DLGAP2: variants seen among roughly 807,000 people sequenced by gnomAD.
DLGAP2 encodes DLG associated protein 2.
DLGAP2 carries 26 observed loss-of-function variants against 100.3 expected under a neutral mutation model. The observed-to-expected ratio is 0.26, with a 90% CI of 0.19 to 0.36. DLGAP2 has a LOEUF of 0.36. Among genes scored for constraint, DLGAP2 ranks in the 10% least tolerant of loss-of-function variants. DLGAP2 has a pLI of 1.00. For missense variants in DLGAP2, 1,858 were observed against 1,453.2 expected (o/e 1.28, Z -4.53); for synonymous variants, 886 against 630.1 (o/e 1.41, Z -6.08).
chr8:845,845 A>G (rs1797062108), intron 1 of DLGAP2, among the ~76,000 whole-genome samples: 1 of 152,216 alleles, frequency 6.6e-6, no homozygotes, highest in South Asian at 2.1e-4. Context: ...ATATGGTGTG[A>G]GGAAGGGATC....
intron 2 of DLGAP2, among the ~76,000 whole-genome samples, chr8:974,238 A>T (rs912299516): frequency 3.9e-5 from 6 of 152,250 alleles, no homozygotes; most frequent in Non-Finnish European, 7.3e-5. Flanking sequence ...TAGAAAATCA[A>T]AGATGAAAAT....
At chr8:961,707 T>G (rs960186503) in intron 2 of DLGAP2, among the ~76,000 whole-genome samples, 2 of 152,236 alleles carry the variant, frequency 1.3e-5, no homozygotes, top group African/African-American at 4.8e-5. Context: ...AATTAAAACA[T>G]AACTATGTGA....
intron 5 of DLGAP2, among the ~76,000 whole-genome samples, chr8:1,556,192 T>C (rs1801959522): frequency 6.6e-6 from 1 of 152,224 alleles, no homozygotes; most frequent in Non-Finnish European, 1.5e-5. Flanking sequence ...CACCTTGTTC[T>C]GGGCACAGTG....
intron 1 of DLGAP2, among the ~76,000 whole-genome samples, chr8:868,136 T>TAA (rs1403415721): frequency 6.6e-6 from 1 of 152,180 alleles, no homozygotes; most frequent in Non-Finnish European, 1.5e-5. Context: ...TTATTTATAT[T>TAA]TAAGGAGTGT....
intron 4 of DLGAP2, among the ~76,000 whole-genome samples, chr8:1,517,074 A>G (rs1023112617): frequency 1.3e-5 from 2 of 152,062 alleles, no homozygotes; most frequent in African/African-American, 2.4e-5. Flanking sequence ...GAATCACCCC[A>G]TCTTGAAGGC....
chr8:946,848 C>G (rs898700830), intron 2 of DLGAP2, among the ~76,000 whole-genome samples: 2 of 152,216 alleles, frequency 1.3e-5, no homozygotes, highest in African/African-American at 4.8e-5. Context: ...CAGCAGCTCC[C>G]CCGTCCCTGA....
intron 1 of DLGAP2, among the ~76,000 whole-genome samples, chr8:873,180 C>T (rs1237969467): frequency 6.6e-6 from 1 of 152,128 alleles, no homozygotes; most frequent in Non-Finnish European, 1.5e-5. Context: ...TCTATATTGA[C>T]CTCATGTCCT....
intron 2 of DLGAP2, among the ~76,000 whole-genome samples, chr8:1,031,132 C>T (rs992921658): frequency 6.6e-6 from 1 of 152,216 alleles, no homozygotes; most frequent in African/African-American, 2.4e-5. Context: ...TTACGAGTTC[C>T]ACTTTCCAAT....
chr8:1,380,937 C>CAAAAAAAAAAAAAAAAAAAAA (rs34675828), intron 3 of DLGAP2: 1 of 77,128 alleles, frequency 1.3e-5, no homozygotes, highest in African/African-American at 4.5e-5. Context: ...GAACATGATT[C>CAAAAAAAAAAAAAAAAAAAAA]AAAAAAAAAA....
chr8:937,107 CTCT>C (rs1799089468), intron 2 of DLGAP2, among the ~76,000 whole-genome samples: 1 of 152,192 alleles, frequency 6.6e-6, no homozygotes, highest in Non-Finnish European at 1.5e-5. Context: ...AGCCATGGCA[CTCT>C]TCTTAAGACT....
intron 3 of DLGAP2, among the ~76,000 whole-genome samples, chr8:1,288,020 C>G (rs1332772123): frequency 4.0e-5 from 3 of 75,836 alleles, no homozygotes; most frequent in Non-Finnish European, 6.8e-5. Context: ...GTTAGGGGGA[C>G]TAGTTTCGGT....
intron 3 of DLGAP2, among the ~76,000 whole-genome samples, chr8:1,264,600 C>T (rs1799415029): frequency 1.3e-5 from 2 of 152,068 alleles, no homozygotes; most frequent in Admixed American, 6.5e-5. Context: ...TCTGTCAGAA[C>T]CTAAGGGCTC....
chr8:1,061,317 C>T (rs1297400038), intron 2 of DLGAP2, among the ~76,000 whole-genome samples: 1 of 152,092 alleles, frequency 6.6e-6, no homozygotes, highest in African/African-American at 2.4e-5. Context: ...AATGTAGGCC[C>T]AACTGTGGTT....
intron 2 of DLGAP2, among the ~76,000 whole-genome samples, chr8:1,063,928 C>T (rs1430966800): frequency 6.6e-6 from 1 of 152,188 alleles, no homozygotes; most frequent in Non-Finnish European, 1.5e-5. Context: ...ATCACACTTG[C>T]TGTTTAGCAA....
At chr8:800,504 A>G (rs1796126295) in intron 1 of DLGAP2, among the ~76,000 whole-genome samples, 1 of 152,198 alleles carries the variant, frequency 6.6e-6, no homozygotes, top group South Asian at 2.1e-4. Context: ...TCTAACCCAC[A>G]GCTGGGCCGG....
chr8:1,243,449 G>A (rs1245884710), intron 2 of DLGAP2, among the ~76,000 whole-genome samples: 1 of 152,234 alleles, frequency 6.6e-6, no homozygotes, highest in African/African-American at 2.4e-5. Context: ...GAGGCCAGAT[G>A]TTCTGGACTT....
chr8:1,390,750 G>A lies in DLGAP2; in HGVS notation c.107-110616G>A, dbSNP rs148762072. Among the ~76,000 whole-genome samples the A allele has an allele frequency of 1.1e-3, 171 of 152,290 alleles. No individual in the cohort carries two copies. The South Asian group carries it at 0.014, about 13-fold the overall frequency. ...GCGGAGGGCTCTGCCTGAGAATACT[G>A]CAGGTGGATTTCAGCTCAACCCTCT... On this transcript the variant is annotated intron_variant, in intron 3 of 14. Transcript: ENST00000637795.
chr8:1,619,142 C>G (rs895272111), intron 6 of DLGAP2, among the ~76,000 whole-genome samples: 3 of 152,110 alleles, frequency 2.0e-5, no homozygotes, highest in African/African-American at 4.8e-5. Context: ...AGAACTCCTA[C>G]AAAACAAGAA....
At chr8:1,502,251 C>T (rs1799747202) in intron 4 of DLGAP2, among the ~76,000 whole-genome samples, 2 of 152,220 alleles carry the variant, frequency 1.3e-5, no homozygotes, top group African/African-American at 4.8e-5. Context: ...GCAGTGACAG[C>T]ACTCAGGGCT....
Sources: allele counts gnomAD v4.1 joint callset (sites outside exome capture counted in the v4.1 genomes callset), GRCh38; gene constraint gnomAD v4.1.1; transcripts MANE v1.5; gene names NCBI Gene and HGNC (gene_info 2026-07-23, HGNC 2026-07-21).